The following SZT2 variants were observed in gnomAD, a reference collection of about 807,000 sequenced individuals.
SZT2 encodes the protein SZT2 subunit of KICSTOR complex.
A neutral mutation model predicts 404.2 loss-of-function variants in SZT2; 216 were observed. The observed-to-expected ratio is 0.53, with a 90% confidence interval of 0.48 to 0.60. The LOEUF (loss-of-function observed/expected upper bound fraction) is 0.60, where lower values mean the gene tolerates loss of function less well. Among genes scored for constraint, SZT2 ranks in the 20% least tolerant of loss-of-function variants. The probability of loss-of-function intolerance (pLI) is 0.00; values close to 1 mark genes in which losing one functional copy is unlikely to be tolerated. For missense variants in SZT2, 3,857 were observed against 4,459.2 expected (o/e 0.86, Z 3.85); for synonymous variants, 1,693 against 1,749.9 (o/e 0.97, Z 0.81).
At chr1:43,403,467 G>A (rs1649926824) in intron 2 of SZT2, 134 bp from the exon 3 acceptor site, 2 of 1,393,780 alleles carry the variant, frequency 1.4e-6, no homozygotes, top group South Asian at 1.4e-5. Context: ...TTTCCAGAGA[G>A]TGAGAGGAAG....
Position 43,450,732 on chromosome 1 carries a change from T to A in SZT2, c.*252T>A. 1.4e-6 allele frequency: 1 copy of A among 694,816 alleles called. No individual in the cohort carries two copies. The highest frequency in any genetic ancestry group is 2.6e-6 in the Non-Finnish European group (1 of 386,834). 43.0% of individuals were successfully genotyped at this position (694,816 alleles called of 1,614,324 possible). On this transcript the variant is annotated 3_prime_UTR_variant, in exon 72 of 72. Coordinates refer to ENST00000634258, the MANE Select transcript of SZT2 (RefSeq NM_001365999.1). This position sits in a 1 kb window ranked among gnomAD's most constrained non-coding sequence, Gnocchi z 4.3. ...AGTCAGGTCAACCCCGAGGACCCCTTGGGCCCTTCTGGGGTACTCCTTTCG... is the reference window on the plus strand; with the variant it reads ...AGTCAGGTCAACCCCGAGGACCCCTAGGGCCCTTCTGGGGTACTCCTTTCG...
chr1:43,446,144 GC>G lies in SZT2; in HGVS notation c.8917-30del, dbSNP rs766694665. 23 of 1,612,800 alleles carry G rather than the reference GC, an allele frequency of 1.4e-5. No individual in the cohort carries two copies. In the East Asian group the frequency reaches 4.9e-4, roughly 34 times the overall value. ...CACCCTACTGATTCGAGGCTGGTGAGCCCCCAAACCTTGCCCCCTTTTTTGT... is the reference window on the plus strand; with the variant it reads ...CACCCTACTGATTCGAGGCTGGTGAGCCCCAAACCTTGCCCCCTTTTTTGT... On this transcript the variant is annotated intron_variant, in intron 63 of 71. Coordinates refer to ENST00000634258, the MANE Select transcript of SZT2 (RefSeq NM_001365999.1).
At chr1:43,411,751 GA>G (rs1651071876) in intron 4 of SZT2, among the ~76,000 whole-genome samples, 1 of 126,624 alleles carries the variant, frequency 7.9e-6, no homozygotes, top group Non-Finnish European at 1.6e-5. Context: ...AGATAGAGCA[GA>G]AAAGTTCATC....
chr1:43,420,375 G>T lies in SZT2; in HGVS notation c.1261+52G>T, dbSNP rs1652204263. On this transcript the variant is annotated intron_variant, in intron 9 of 71. Coordinates refer to ENST00000634258, the MANE Select transcript of SZT2 (RefSeq NM_001365999.1). This position sits in a 1 kb window ranked among gnomAD's most constrained non-coding sequence, Gnocchi z 5.1. ...TCCCATAGATCTCTCAAGAATTTGT[G>T]TGTGGGAAGACCCACATGTATCACA... The T allele has an allele frequency of 6.7e-7, 1 of 1,495,098 alleles. No homozygotes were observed. Among genetic ancestry groups the T allele is most frequent in the Admixed American group, 2.2e-5 (1 of 45,366 alleles). The allele number at this position is 1,495,098 out of a possible 1,614,324, so 92.6% of individuals were successfully genotyped here. A position where few individuals can be genotyped will look rare whatever the true frequency, so the allele number is the denominator to read the frequency against.
chr1:43,448,649 G>A lies in SZT2; in HGVS notation c.10007G>A (p.Ser3336Asn), dbSNP rs1460317172. The A allele has an allele frequency of 6.2e-7, 1 of 1,614,094 alleles. No homozygotes were observed. Among genetic ancestry groups the A allele is most frequent in the African/African-American group, 1.3e-5 (1 of 74,932 alleles). The change falls in exon 70 of 72, where the codon AGC (serine) becomes AAC (asparagine). Residue 3336 changes from serine to asparagine, a missense_variant. Physicochemically the swap from Ser to Asn is conservative, Grantham distance 46. Coordinates refer to ENST00000634258, the MANE Select transcript of SZT2 (RefSeq NM_001365999.1). This position sits in a 1 kb window ranked among gnomAD's most constrained non-coding sequence, Gnocchi z 4.2. ...TCCATGACGGTCTCCTGGTACCAGA[G>A]CCTGATCAAAGTTCTCCTAAGCCGC... is the stretch of plus-strand genomic sequence containing the variant. ...FLSMTVSWYQ[S>N]LIKVLLSRFP...
intron 1 of SZT2, 123 bp from the exon 2 acceptor site, chr1:43,403,054 C>G (rs556947918): frequency 1.9e-6 from 2 of 1,064,350 alleles, no homozygotes; most frequent in African/African-American, 3.2e-5. Flanking sequence ...AAACTTTTCA[C>G]TTCTGCTGTT....
intron 13 of SZT2, 66 bp downstream of exon 13, chr1:43,422,698 C>T: frequency 8.2e-7 from 1 of 1,216,118 alleles, no homozygotes; most frequent in Admixed American, 2.5e-5. Context: ...CCCATGTCTC[C>T]CTCTAACCCC....
intron 1 of SZT2, among the ~76,000 whole-genome samples, chr1:43,393,419 C>T (rs1648641351): frequency 6.6e-6 from 1 of 152,128 alleles, no homozygotes; most frequent in Non-Finnish European, 1.5e-5. Context: ...AAGTCTCTGC[C>T]AAAACTATAT....
intron 4 of SZT2, chr1:43,411,898 C>T (rs1463825788): frequency 6.7e-6 from 1 of 149,818 alleles, no homozygotes; most frequent in Non-Finnish European, 1.5e-5. Context: ...CCTGCCTCAG[C>T]CTCCCGAGTA....
At position 43,453,460 on chromosome 1, in the gene SZT2, G is replaced by T. The variant is rs777772412; in HGVS notation, c.*2980G>T. 2 of 1,563,102 alleles carry T rather than the reference G, an allele frequency of 1.3e-6. No homozygotes were observed. The highest frequency in any genetic ancestry group is 8.7e-7 in the Non-Finnish European group (1 of 1,152,798). ...CTCGGAAGGCCGCCTGTCTCCCGGG[G>T]ACGGCCCCCAGCCCCATTTCCCCCT... is the stretch of plus-strand genomic sequence containing the variant. On this transcript the variant is annotated 3_prime_UTR_variant, in exon 72 of 72. Transcript: ENST00000634258.
In SZT2 at chr1:43,439,155, T is replaced by TA; in HGVS notation, c.6792+63dup. On this transcript the variant is annotated intron_variant, in intron 48 of 71. Transcript: ENST00000634258. This position sits in a 1 kb window ranked among gnomAD's most constrained non-coding sequence, Gnocchi z 4.2. The stretch of plus-strand genomic sequence containing the variant: ...ACCCCTGCCCCCTGCCCCACGCACT[T>TA]ACTCTTTCCTACCGATACCCCTATA... 2.5e-6 allele frequency: 4 copies of TA among 1,603,988 alleles called. No homozygotes were observed. The highest frequency in any genetic ancestry group is 1.1e-5 in the South Asian group (1 of 90,226).
rs777414549 is a variant in SZT2, at chr1:43,425,636, G to T, written c.2808G>T (p.Pro936=). The change falls in exon 19 of 72, where the codon CCG becomes CCT. Residue 936 remains proline, a synonymous_variant. Coordinates refer to ENST00000634258, the MANE Select transcript of SZT2 (RefSeq NM_001365999.1). This position sits in a 1 kb window ranked among gnomAD's most constrained non-coding sequence, Gnocchi z 4.3. ...HLQDLTYSEI[P]QALHPRDAAC... is the part of the protein sequence containing the mutation. Reference sequence around the variant, plus strand: ...AGGACCTGACGTATTCTGAGATCCCGCAAGCTGTGAGTGTCCTCAGAACAG... The same window carrying T: ...AGGACCTGACGTATTCTGAGATCCCTCAAGCTGTGAGTGTCCTCAGAACAG... 6.2e-7 allele frequency: 1 copy of T among 1,613,804 alleles called. No homozygotes were observed. Among genetic ancestry groups the T allele is most frequent in the Non-Finnish European group, 8.5e-7 (1 of 1,180,004 alleles).
Position 43,424,726 on chromosome 1 carries a change from G to A in SZT2, c.2472-58G>A. The A allele has an allele frequency of 6.9e-7, 1 of 1,452,222 alleles. No homozygotes were observed. The highest frequency in any genetic ancestry group is 1.4e-5 in the African/African-American group (1 of 71,972). The allele number at this position is 1,452,222 out of a possible 1,614,324, so 90.0% of individuals were successfully genotyped here. A position where few individuals can be genotyped will look rare whatever the true frequency, so the allele number is the denominator to read the frequency against. On this transcript the variant is annotated intron_variant, in intron 16 of 71. Coordinates refer to ENST00000634258, the MANE Select transcript of SZT2 (RefSeq NM_001365999.1). This position sits in a 1 kb window ranked among gnomAD's most constrained non-coding sequence, Gnocchi z 4.1. Reference sequence around the variant, plus strand: ...TGGGTGTATGTGGGGAGAGCTTGTAGTCTCAGTGTCTCTTCTTCCCTTATC... The same window carrying A: ...TGGGTGTATGTGGGGAGAGCTTGTAATCTCAGTGTCTCTTCTTCCCTTATC...
intron 1 of SZT2, chr1:43,394,206 CTTTTTTTTTTTTTTTT>C (rs3884380): frequency 1.9e-5 from 3 of 157,006 alleles, no homozygotes; most frequent in Non-Finnish European, 3.4e-5. Context: ...CCCATCAACT[CTTTTTTTTTTTTTTTT>C]TTTTGAGATG....
rs757989403 is a variant in SZT2 at position 43,420,303 on chromosome 1, G to A, written c.1241G>A (p.Arg414Gln). Reference protein sequence around the residue: ...SVRLREGYSVREVTLAKGGSQ... With the variant: ...SVRLREGYSVQEVTLAKGGSQ... ...CGGCTTCGAGAGGGCTACAGTGTCCGAGAGGTCACACTGGCCAAAGGTAAG... is the reference window on the plus strand; with the variant it reads ...CGGCTTCGAGAGGGCTACAGTGTCCAAGAGGTCACACTGGCCAAAGGTAAG... The change falls in exon 9 of 72, where the codon CGA becomes CAA. Residue 414 changes from arginine to glutamine, a missense_variant. By Grantham distance (43) the Arg-to-Gln change is conservative. This residue lies in a region of SZT2 where 536 missense variants were observed against 637.4 expected (regional missense o/e 0.84). Coordinates refer to ENST00000634258, the MANE Select transcript of SZT2 (RefSeq NM_001365999.1). The surrounding 1 kb of genome is among the most constrained non-coding windows in gnomAD (Gnocchi z 5.1). The A allele has an allele frequency of 2.8e-5, 44 of 1,594,878 alleles. No individual in the cohort carries two copies. The highest frequency in any genetic ancestry group is 2.1e-4 in the South Asian group (19 of 90,556).
intron 6 of SZT2, 61 bp downstream of exon 6, chr1:43,416,162 C>T: frequency 6.4e-7 from 1 of 1,563,550 alleles, no homozygotes; most frequent in Non-Finnish European, 8.6e-7. Flanking sequence ...GTGGGGCTGA[C>T]TGCTAACAAA....
At chr1:43,449,984 G>T in intron 70 of SZT2, 119 bp from the exon 71 acceptor site, 2 of 1,194,650 alleles carry the variant, frequency 1.7e-6, no homozygotes, top group Admixed American at 1.8e-5. Context: ...GTGACCTCAG[G>T]GTGCAGGCGG....
chr1:43,450,806 C>T lies in SZT2; in HGVS notation c.*326C>T, dbSNP rs1311830762. 4.2e-6 allele frequency: 3 copies of T among 709,032 alleles called. No individual in the cohort carries two copies. The highest frequency in any genetic ancestry group is 7.8e-6 in the Non-Finnish European group (3 of 382,264). 43.9% of individuals were successfully genotyped at this position (709,032 alleles called of 1,614,324 possible). A position where few individuals can be genotyped will look rare whatever the true frequency, so the allele number is the denominator to read the frequency against. On this transcript the variant is annotated 3_prime_UTR_variant, in exon 72 of 72. Transcript: ENST00000634258. This position sits in a 1 kb window ranked among gnomAD's most constrained non-coding sequence, Gnocchi z 4.3. The stretch of plus-strand genomic sequence containing the variant: ...GTTCACACAGGGTGGCAAACACCCC[C>T]TAGAGCTCCTCTGCCTGAATCCTGC...
Position 43,424,650 on chromosome 1 carries a change from A to G in SZT2, c.2472-134A>G. 2.3e-6 allele frequency: 2 copies of G among 882,028 alleles called. No individual in the cohort carries two copies. Among genetic ancestry groups the G allele is most frequent in the Non-Finnish European group, 3.5e-6 (2 of 567,752 alleles). The allele number at this position is 882,028 out of a possible 1,614,324, so 54.6% of individuals were successfully genotyped here. On this transcript the variant is annotated intron_variant, in intron 16 of 71. Coordinates refer to ENST00000634258, the MANE Select transcript of SZT2 (RefSeq NM_001365999.1). The surrounding 1 kb of genome is among the most constrained non-coding windows in gnomAD (Gnocchi z 4.1). Reference sequence around the variant, plus strand: ...ATTTGTTATACCCTGAGGGACCGCCAGTCTAAGCAGGGCCAGCAGCAGACT... The same window carrying G: ...ATTTGTTATACCCTGAGGGACCGCCGGTCTAAGCAGGGCCAGCAGCAGACT...
Sources: gnomAD v4.1 joint callset for allele counts (sites outside exome capture counted in the v4.1 genomes callset) on GRCh38, gnomAD v4.1.1 for gene constraint, gnomAD v4.1.1 regional missense constraint, Gnocchi (gnomAD v3.1) non-coding constraint, MANE v1.5 for transcripts, NCBI Gene and HGNC (gene_info 2026-07-23, HGNC 2026-07-21) for gene names.